Variants in INPP4B observed in about 807,000 individuals in gnomAD.
INPP4B encodes inositol polyphosphate 4-phosphatase type II.
In INPP4B, 55 loss-of-function variants were observed where a neutral mutation model predicts 122.5. The ratio of observed to expected loss-of-function variants is 0.45; its 90% CI spans 0.36 to 0.56. The LOEUF is 0.56. Among genes scored for constraint, INPP4B ranks in the 20% least tolerant of loss-of-function variants. The probability of loss-of-function intolerance (pLI) is 0.00; values close to 1 mark genes in which losing one functional copy is unlikely to be tolerated. For synonymous variants in INPP4B, 403 were observed against 388.7 expected (o/e 1.04, Z -0.43); for missense variants, 1,000 against 1,097.7 (o/e 0.91, Z 1.26).
chr4:142,742,792 A>G (rs1476451112), intron 1 of INPP4B, among the ~76,000 whole-genome samples: 1 of 152,016 alleles, frequency 6.6e-6, no homozygotes, highest in Admixed American at 6.6e-5. Context: ...ATCAACAATA[A>G]CTATTTAAAG....
chr4:142,291,867 A>G (rs1756621544), intron 9 of INPP4B, among the ~76,000 whole-genome samples: 1 of 152,216 alleles, frequency 6.6e-6, no homozygotes, highest in Non-Finnish European at 1.5e-5. Context: ...CATGACTAGC[A>G]TTTTTGGACT....
intron 2 of INPP4B, among the ~76,000 whole-genome samples, chr4:142,527,225 A>G (rs575825184): frequency 3.3e-5 from 5 of 151,424 alleles, no homozygotes; most frequent in African/African-American, 1.2e-4. Context: ...TAATATTATT[A>G]ATTATGCCAA....
intron 22 of INPP4B, 32 bp from the exon 23 acceptor site, chr4:142,108,222 T>C (rs752369971): frequency 1.7e-6 from 2 of 1,173,554 alleles, no homozygotes; most frequent in East Asian, 2.3e-5. Context: ...CAGCTGTGGG[T>C]TATAAAACGG....
chr4:142,143,467 A>G (rs1367197143), intron 18 of INPP4B, among the ~76,000 whole-genome samples: 1 of 152,086 alleles, frequency 6.6e-6, no homozygotes, highest in Non-Finnish European at 1.5e-5. Flanking sequence ...TAATTTTTCA[A>G]TAACTTTTCA....
chr4:142,784,466 A>G (rs1026098847), intron 1 of INPP4B, among the ~76,000 whole-genome samples: 1 of 152,028 alleles, frequency 6.6e-6, no homozygotes, highest in Non-Finnish European at 1.5e-5. Context: ...TCACAGGGCA[A>G]ACCACCACCC....
chr4:142,419,739 G>T (rs976148113), intron 5 of INPP4B, among the ~76,000 whole-genome samples: 4 of 152,008 alleles, frequency 2.6e-5, no homozygotes, highest in Non-Finnish European at 5.9e-5. Context: ...ACTCCATTAG[G>T]TCTCTTCATG....
intron 1 of INPP4B, among the ~76,000 whole-genome samples, chr4:142,793,256 G>A (rs1357681382): frequency 2.0e-5 from 3 of 152,098 alleles, no homozygotes; most frequent in African/African-American, 7.2e-5. Flanking sequence ...TAAGGAACAA[G>A]TCAGCCAGAA....
chr4:142,278,595 G>A lies in INPP4B; in HGVS notation c.504-7821C>T, dbSNP rs576830779. ...AGCTATGATCCCAAGATAGTGTGGC[G>A]AATTCCCCTTACCTTTTATTTTTCT... On this transcript the variant is annotated intron_variant, in intron 9 of 25. Transcript: ENST00000262992. Among the ~76,000 whole-genome samples the A allele has an allele frequency of 3.9e-5, 6 of 151,962 alleles. No individual in the cohort carries two copies. In the East Asian group the frequency reaches 7.7e-4, roughly 20 times the overall value.
At chr4:142,084,371 G>A (rs886675029) in intron 24 of INPP4B, among the ~76,000 whole-genome samples, 9 of 152,002 alleles carry the variant, frequency 5.9e-5, no homozygotes, top group East Asian at 3.9e-4. Flanking sequence ...CGCCCGCCTC[G>A]GCCCCCCAAA....
At chr4:142,677,844 G>A (rs1360878583) in intron 2 of INPP4B, among the ~76,000 whole-genome samples, 1 of 152,116 alleles carries the variant, frequency 6.6e-6, no homozygotes, top group Admixed American at 6.6e-5. Context: ...GTCTGCCAGG[G>A]TTTAGGGGCT....
intron 2 of INPP4B, among the ~76,000 whole-genome samples, chr4:142,664,527 C>T (rs568875198): frequency 7.3e-5 from 11 of 151,564 alleles, no homozygotes; most frequent in South Asian, 4.2e-4. Flanking sequence ...ATCAGGTTTA[C>T]GTCACTTCCA....
intron 3 of INPP4B, among the ~76,000 whole-genome samples, chr4:142,444,536 TACACTCCCACC>T (rs1235041663): frequency 6.6e-6 from 1 of 151,932 alleles, no homozygotes; most frequent in Admixed American, 6.6e-5. Flanking sequence ...AAGAAAAATT[TACACTCCCACC>T]ACACTGTTGG....
At chr4:142,412,612 G>C (rs1804851300) in intron 5 of INPP4B, among the ~76,000 whole-genome samples, 1 of 152,130 alleles carries the variant, frequency 6.6e-6, no homozygotes, top group South Asian at 2.1e-4. Flanking sequence ...TTATTTCTTA[G>C]AAGAATATGT....
At chr4:142,424,094 T>C (rs1251857420) in intron 5 of INPP4B, among the ~76,000 whole-genome samples, 1 of 152,020 alleles carries the variant, frequency 6.6e-6, no homozygotes, top group Non-Finnish European at 1.5e-5. Flanking sequence ...TAATTTCCCC[T>C]TTCCTCTAAT....
At chr4:142,352,580 T>C (rs1181228302) in intron 7 of INPP4B, among the ~76,000 whole-genome samples, 1 of 151,856 alleles carries the variant, frequency 6.6e-6, no homozygotes, top group African/African-American at 2.4e-5. Flanking sequence ...ATTCACTTGC[T>C]ACTTTAATAT....
intron 14 of INPP4B, among the ~76,000 whole-genome samples, chr4:142,198,023 TTCACA>T (rs1839079038): frequency 6.6e-6 from 1 of 152,170 alleles, no homozygotes; most frequent in African/African-American, 2.4e-5. Flanking sequence ...TTGATTTGTG[TTCACA>T]TTGTAGATGT....
intron 2 of INPP4B, among the ~76,000 whole-genome samples, chr4:142,465,368 C>T (rs1817579309): frequency 6.6e-6 from 1 of 152,050 alleles, no homozygotes; most frequent in South Asian, 2.1e-4. Context: ...AGACTTAATG[C>T]AAACAAGACG....
At chr4:142,569,328 C>G (rs1466261928) in intron 2 of INPP4B, among the ~76,000 whole-genome samples, 1 of 150,962 alleles carries the variant, frequency 6.6e-6, no homozygotes, top group African/African-American at 2.4e-5. Context: ...ACATATTCCT[C>G]TCTATGTTGA....
intron 2 of INPP4B, among the ~76,000 whole-genome samples, chr4:142,591,239 C>T (rs567741692): frequency 7.2e-5 from 11 of 151,916 alleles, no homozygotes; most frequent in East Asian, 1.9e-4. Context: ...GAGCTAAGAT[C>T]GAGCCACCGC....
Sources: allele counts gnomAD v4.1 joint callset (sites outside exome capture counted in the v4.1 genomes callset), GRCh38; gene constraint gnomAD v4.1.1; transcripts MANE v1.5; gene names NCBI Gene and HGNC (gene_info 2026-07-23, HGNC 2026-07-21).